Variants in BICD1 observed in about 807,000 individuals in gnomAD.
The protein encoded by BICD1 is BICD cargo adaptor 1, also known as protein bicaudal D homolog 1.
Under a neutral mutation model 92.5 loss-of-function variants are expected in BICD1, and 35 were observed. The observed-to-expected ratio is 0.38, with a 90% CI of 0.29 to 0.50. The LOEUF (loss-of-function observed/expected upper bound fraction) is 0.50, where lower values mean the gene tolerates loss of function less well. Ranked by LOEUF, BICD1 falls within the 20% of genes least tolerant of loss-of-function variation. The pLI is 0.93. For synonymous variants in BICD1, 429 were observed against 465.1 expected (o/e 0.92, Z 1.00); for missense variants, 950 against 1,189.8 (o/e 0.80, Z 2.97).
intron 2 of BICD1, among the ~76,000 whole-genome samples, chr12:32,254,862 G>A (rs959792545): frequency 2.0e-5 from 3 of 152,154 alleles, no homozygotes; most frequent in African/African-American, 7.2e-5. Flanking sequence ...TGTTCTCCCT[G>A]AGCTCGAGAG....
intron 1 of BICD1, among the ~76,000 whole-genome samples, chr12:32,210,902 G>A (rs1945196051): frequency 6.6e-6 from 1 of 152,114 alleles, no homozygotes; most frequent in South Asian, 2.1e-4. Flanking sequence ...CTTTCTATTG[G>A]GCCTGGCTTT....
At chr12:32,117,709 T>TACACACACAC (rs71064996) in intron 1 of BICD1, among the ~76,000 whole-genome samples, 16 of 85,184 alleles carry the variant, frequency 1.9e-4, no homozygotes, top group African/African-American at 8.7e-4. Context: ...CACAAATATA[T>TACACACACAC]ATACACACAC....
At chr12:32,281,530 G>A (rs2136169371) in intron 2 of BICD1, among the ~76,000 whole-genome samples, 1 of 152,244 alleles carries the variant, frequency 6.6e-6, no homozygotes, top group East Asian at 1.9e-4. Flanking sequence ...AGAGAGTTAA[G>A]TTGTATCAGG....
chr12:32,287,950 G>C (rs1486138624), intron 2 of BICD1, among the ~76,000 whole-genome samples: 2 of 152,212 alleles, frequency 1.3e-5, no homozygotes, highest in Non-Finnish European at 2.9e-5. Flanking sequence ...CCAGCAGCTG[G>C]TGCTGACTGC....
intron 3 of BICD1, among the ~76,000 whole-genome samples, chr12:32,295,394 A>G (rs1947840094): frequency 2.6e-5 from 4 of 152,138 alleles, no homozygotes; most frequent in Admixed American, 2.0e-4. Flanking sequence ...CGCTGTTGCC[A>G]CCTCTCAGTT....
At chr12:32,132,525 A>G (rs554112382) in intron 1 of BICD1, among the ~76,000 whole-genome samples, 2 of 152,064 alleles carry the variant, frequency 1.3e-5, no homozygotes, top group Non-Finnish European at 2.9e-5. Context: ...TGTGCTGTGC[A>G]CTGTGGGACT....
At chr12:32,194,726 A>G (rs1466466510) in intron 1 of BICD1, among the ~76,000 whole-genome samples, 5 of 151,812 alleles carry the variant, frequency 3.3e-5, no homozygotes, top group Non-Finnish European at 7.4e-5. Flanking sequence ...TACTAAAAAT[A>G]CAAAAAATTA....
At chr12:32,229,844 C>A (rs1170567543) in intron 2 of BICD1, among the ~76,000 whole-genome samples, 2 of 151,910 alleles carry the variant, frequency 1.3e-5, no homozygotes, top group African/African-American at 4.8e-5. Flanking sequence ...GGCCATGACC[C>A]CATAAAGTGG....
intron 2 of BICD1, among the ~76,000 whole-genome samples, chr12:32,247,789 T>C (rs1946427933): frequency 7.0e-6 from 1 of 143,200 alleles, no homozygotes; most frequent in South Asian, 2.2e-4. Context: ...CAAGACTGTC[T>C]CAAAAAAAAA....
intron 2 of BICD1, among the ~76,000 whole-genome samples, chr12:32,248,695 C>T (rs1317997535): frequency 1.3e-5 from 2 of 152,106 alleles, no homozygotes; most frequent in African/African-American, 4.8e-5. Context: ...GGCTCTTTAG[C>T]TCAGCTAGGT....
intron 2 of BICD1, among the ~76,000 whole-genome samples, chr12:32,262,407 G>C (rs1219620389): frequency 6.6e-6 from 1 of 152,016 alleles, no homozygotes; most frequent in East Asian, 1.9e-4. Flanking sequence ...TTCACCATCC[G>C]TTCCTTTCAG....
At chr12:32,260,106 G>A (rs1168906012) in intron 2 of BICD1, among the ~76,000 whole-genome samples, 1 of 151,714 alleles carries the variant, frequency 6.6e-6, no homozygotes, top group Admixed American at 6.6e-5. Context: ...TGTATTTTTA[G>A]TAGAGACAGG....
intron 1 of BICD1, among the ~76,000 whole-genome samples, chr12:32,121,219 CAG>C (rs1411979537): frequency 6.6e-6 from 1 of 150,848 alleles, no homozygotes; most frequent in East Asian, 2.0e-4. Flanking sequence ...CCACCTGTCT[CAG>C]AGTGCTGGGA....
chr12:32,128,915 G>A (rs1443203404), intron 1 of BICD1, among the ~76,000 whole-genome samples: 1 of 151,642 alleles, frequency 6.6e-6, no homozygotes, highest in African/African-American at 2.4e-5. Context: ...CGGGACTACA[G>A]GCATGCACCA....
intron 1 of BICD1, among the ~76,000 whole-genome samples, chr12:32,183,911 T>G (rs1409803467): frequency 6.6e-6 from 1 of 152,178 alleles, no homozygotes; most frequent in African/African-American, 2.4e-5. Context: ...GCAAGAATGC[T>G]GTATAAACTG....
At chr12:32,225,248 A>G (rs1444574989) in intron 2 of BICD1, among the ~76,000 whole-genome samples, 1 of 152,214 alleles carries the variant, frequency 6.6e-6, no homozygotes, top group Non-Finnish European at 1.5e-5. Flanking sequence ...CTTCAGCATG[A>G]TGCCTTGGAG....
At chr12:32,296,503 C>T (rs1239577) in intron 3 of BICD1, among the ~76,000 whole-genome samples, 48 of 151,714 alleles carry the variant, frequency 3.2e-4, no homozygotes, top group African/African-American at 1.1e-3. Flanking sequence ...ATGATCTGCC[C>T]GCCTCAGCCT....
intron 8 of BICD1, among the ~76,000 whole-genome samples, chr12:32,355,780 C>G (rs1939071838): frequency 6.6e-6 from 1 of 151,628 alleles, no homozygotes; most frequent in Admixed American, 6.6e-5. Context: ...TGCACTCCAG[C>G]CTGGGTGACG....
chr12:32,120,300 T>C (rs1249504039), intron 1 of BICD1, among the ~76,000 whole-genome samples: 1 of 152,230 alleles, frequency 6.6e-6, no homozygotes, highest in African/African-American at 2.4e-5. Flanking sequence ...AAATGTAATA[T>C]TTAACTGCTG....
Sources: allele counts gnomAD v4.1 joint callset (sites outside exome capture counted in the v4.1 genomes callset), GRCh38; gene constraint gnomAD v4.1.1; transcripts MANE v1.5; gene names NCBI Gene and HGNC (gene_info 2026-07-23, HGNC 2026-07-21).